The following PGAP1 variants were observed in gnomAD, a reference collection of about 807,000 sequenced individuals.
PGAP1 encodes GPI inositol-deacylase.
In PGAP1, 76 loss-of-function variants were observed where a neutral mutation model predicts 127.0. The observed-to-expected ratio is 0.60, with a 90% CI of 0.50 to 0.72. The LOEUF (loss-of-function observed/expected upper bound fraction) is 0.72. Ranked by LOEUF, PGAP1 falls within the 30% of genes least tolerant of loss-of-function variation. The pLI, the probability that PGAP1 is intolerant of heterozygous loss-of-function variation, is 0.00. For missense variants in PGAP1, 982 were observed against 1,071.3 expected, an observed-to-expected ratio of 0.92 and a Z score of 1.16; for synonymous variants, 362 against 366.5, an observed-to-expected ratio of 0.99 and a Z score of 0.14.
intron 20 of PGAP1, among the ~76,000 whole-genome samples, chr2:196,861,395 G>A (rs1701059700): frequency 6.6e-6 from 1 of 152,112 alleles, no homozygotes; most frequent in African/African-American, 2.4e-5. Flanking sequence ...GCCAAAGACT[G>A]GGAAAAAATT....
chr2:196,922,543 T>A (rs1256321030), intron 1 of PGAP1: 1 of 967,586 alleles, frequency 1.0e-6, no homozygotes, highest in Non-Finnish European at 1.2e-6. Context: ...CCTTCTATAA[T>A]CCATAGTTCA....
intron 20 of PGAP1, among the ~76,000 whole-genome samples, chr2:196,861,275 A>T (rs1701055464): frequency 6.6e-6 from 1 of 152,194 alleles, no homozygotes; most frequent in Admixed American, 6.5e-5. Context: ...CTGGGCAAAA[A>T]TTTTTTGGGT....
At chr2:196,913,116 T>A (rs1576196135) in intron 3 of PGAP1, 63 bp from the exon 4 acceptor site, 1 of 1,481,678 alleles carries the variant, frequency 6.7e-7, no homozygotes, top group East Asian at 2.3e-5. Context: ...TACTAAATAT[T>A]TCTCTCTGCA....
In PGAP1 at chr2:196,873,701, A is replaced by C; in HGVS notation, c.1484T>G (p.Leu495Arg). ...ATTAATTACCTGTCCAAAGTTCAGA[A>C]GCTCTAGATTGTAGTATAGGCCATT... The part of the protein sequence containing the change: ...NTNGLYYNLE[L>R]LNFGQIYQAF... The change falls in exon 15 of 27, where the codon CTT becomes CGT. Residue 495 changes from leucine (L) to arginine (R), a missense_variant. Coordinates refer to ENST00000354764, the MANE Select transcript of PGAP1 (RefSeq NM_024989.4). The C allele has an allele frequency of 1.2e-6, 2 of 1,611,782 alleles. No homozygotes were observed. Among genetic ancestry groups the C allele is most frequent in the Non-Finnish European group, 1.7e-6 (2 of 1,178,156 alleles).
Position 196,844,089 on chromosome 2 carries a change from A to G in PGAP1, c.2338-14T>C. On this transcript the variant is annotated splice_polypyrimidine_tract_variant and intron_variant, in intron 24 of 26. Coordinates refer to ENST00000354764, the MANE Select transcript of PGAP1 (RefSeq NM_024989.4). ...GTGTTTGGGATTCTATAAAACAATA[A>G]AGTAGAAATATCAAGACACTAAACA... The G allele has an allele frequency of 2.0e-6, 3 of 1,471,842 alleles. No homozygotes were observed. The highest frequency in any genetic ancestry group is 2.8e-6 in the Non-Finnish European group (3 of 1,085,480). The allele number at this position is 1,471,842 out of a possible 1,614,324, so 91.2% of individuals were successfully genotyped here.
chr2:196,901,101 A>G (rs1334759627), intron 5 of PGAP1, among the ~76,000 whole-genome samples: 1 of 152,256 alleles, frequency 6.6e-6, no homozygotes, highest in African/African-American at 2.4e-5. Context: ...GGTCCAGGAA[A>G]TAAGTTACAT....
intron 1 of PGAP1, among the ~76,000 whole-genome samples, chr2:196,925,986 C>A (rs1398405884): frequency 1.3e-5 from 2 of 152,038 alleles, no homozygotes; most frequent in East Asian, 1.9e-4. Flanking sequence ...TCTAGAAATG[C>A]GAAATCTGAC....
chr2:196,844,269 T>C (rs753476305), intron 24 of PGAP1, among the ~76,000 whole-genome samples, 194 bp from the exon 25 acceptor site: 1 of 152,162 alleles, frequency 6.6e-6, no homozygotes, highest in Non-Finnish European at 1.5e-5. Context: ...TTGCTAGTTC[T>C]ACTGCTAAGA....
chr2:196,918,674 C>T (rs1230255099), intron 2 of PGAP1, among the ~76,000 whole-genome samples: 2 of 152,110 alleles, frequency 1.3e-5, no homozygotes, highest in African/African-American at 4.8e-5. Context: ...AAGGAAATTA[C>T]TCTCTTAACA....
chr2:196,923,115 T>C (rs1184772542), intron 1 of PGAP1, among the ~76,000 whole-genome samples: 1 of 152,200 alleles, frequency 6.6e-6, no homozygotes, highest in East Asian at 1.9e-4. Flanking sequence ...CCTTCAGCCA[T>C]CCAGTTGACC....
chr2:196,915,252 G>A (rs1157563681), intron 3 of PGAP1, among the ~76,000 whole-genome samples: 2 of 151,964 alleles, frequency 1.3e-5, no homozygotes, highest in African/African-American at 2.4e-5. Flanking sequence ...TCAGGTCTCC[G>A]CCCTTAGATC....
intron 10 of PGAP1, among the ~76,000 whole-genome samples, chr2:196,889,681 C>T (rs1232864417): frequency 2.3e-5 from 2 of 86,014 alleles, no homozygotes; most frequent in Non-Finnish European, 4.5e-5. Context: ...ACGGTGAAAC[C>T]CTGTCTCTAC....
chr2:196,924,230 G>C (rs1297099993), intron 1 of PGAP1, among the ~76,000 whole-genome samples: 1 of 151,980 alleles, frequency 6.6e-6, no homozygotes, highest in Non-Finnish European at 1.5e-5. Flanking sequence ...AACTAAAGAA[G>C]ATGCAAATGA....
intron 19 of PGAP1, among the ~76,000 whole-genome samples, chr2:196,867,042 A>G (rs1701266349): frequency 6.6e-6 from 1 of 152,220 alleles, no homozygotes; most frequent in African/African-American, 2.4e-5. Flanking sequence ...GTGGGAGTGT[A>G]AATTAGTTCA....
intron 2 of PGAP1, 127 bp downstream of exon 2, chr2:196,919,870 G>T: frequency 1.1e-6 from 1 of 924,046 alleles, no homozygotes; most frequent in Non-Finnish European, 1.6e-6. Flanking sequence ...CTCTCTGTAA[G>T]CCCAGCACAG....
At chr2:196,912,219 T>G (rs554210913) in intron 4 of PGAP1, among the ~76,000 whole-genome samples, 2 of 152,314 alleles carry the variant, frequency 1.3e-5, no homozygotes, top group African/African-American at 4.8e-5. Context: ...CCTTTGTACT[T>G]AAAAACTAGA....
At chr2:196,887,297 T>C (rs1242138617) in intron 10 of PGAP1, among the ~76,000 whole-genome samples, 1 of 151,974 alleles carries the variant, frequency 6.6e-6, no homozygotes, top group Non-Finnish European at 1.5e-5. Context: ...GGCAGGAGAA[T>C]GGCATGAACC....
intron 14 of PGAP1, among the ~76,000 whole-genome samples, chr2:196,874,227 A>C (rs1701491256): frequency 6.6e-6 from 1 of 152,144 alleles, no homozygotes; most frequent in Admixed American, 6.5e-5. Flanking sequence ...AACATAAAAA[A>C]GTTCCCAATA....
intron 2 of PGAP1, among the ~76,000 whole-genome samples, chr2:196,918,489 G>C (rs922530807): frequency 1.3e-5 from 2 of 152,088 alleles, no homozygotes; most frequent in African/African-American, 4.8e-5. Context: ...GAATAATACA[G>C]AGTAAGGAAA....
Sources: gnomAD v4.1 joint callset for allele counts (sites outside exome capture counted in the v4.1 genomes callset) on GRCh38, gnomAD v4.1.1 for gene constraint, MANE v1.5 for transcripts, NCBI Gene and HGNC (gene_info 2026-07-23, HGNC 2026-07-21) for gene names.